KCND3: variants seen among roughly 807,000 people sequenced by gnomAD.
KCND3 encodes the protein potassium voltage-gated channel subfamily D member 3.
Under a neutral mutation model 51.1 loss-of-function variants are expected in KCND3, and 9 were observed. The observed-to-expected ratio is 0.18, with a 90% CI of 0.11 to 0.31. The LOEUF is 0.31. Ranked by LOEUF, KCND3 falls within the 10% of genes least tolerant of loss-of-function variation. The pLI is 1.00. For synonymous variants in KCND3, 349 were observed against 368.0 expected (o/e 0.95, Z 0.59); for missense variants, 526 against 903.8 (o/e 0.58, Z 5.36).
chr1:111,818,665 G>A (rs986183099), intron 2 of KCND3, among the ~76,000 whole-genome samples: 6 of 152,206 alleles, frequency 3.9e-5, no homozygotes, highest in Admixed American at 6.5e-5. Flanking sequence ...CCCGTCTATT[G>A]TCCCCTGAGT....
intron 2 of KCND3, among the ~76,000 whole-genome samples, chr1:111,848,011 A>T (rs369787471): frequency 9.3e-4 from 142 of 152,324 alleles, no homozygotes; most frequent in Non-Finnish European, 1.8e-3. Context: ...CAGTCAAGGC[A>T]GGGCTAAGCA....
chr1:111,813,887 T>C (rs1665968403), intron 2 of KCND3, among the ~76,000 whole-genome samples: 1 of 152,166 alleles, frequency 6.6e-6, no homozygotes, highest in Admixed American at 6.5e-5. Context: ...TAGTATTCAA[T>C]GAGCTCCTAT....
chr1:111,968,441 T>C (rs1251357797), intron 2 of KCND3, among the ~76,000 whole-genome samples: 1 of 152,140 alleles, frequency 6.6e-6, no homozygotes. Flanking sequence ...TGAAAAAGAA[T>C]GAGGCCAACA....
At chr1:111,910,739 A>G (rs1321236635) in intron 2 of KCND3, 2 of 152,226 alleles carry the variant, frequency 1.3e-5, no homozygotes, top group African/African-American at 4.8e-5. Context: ...AGATTGGACC[A>G]GGACAGCTTC....
intron 2 of KCND3, among the ~76,000 whole-genome samples, chr1:111,787,540 G>A (rs1356123210): frequency 6.6e-6 from 1 of 152,290 alleles, no homozygotes; most frequent in East Asian, 1.9e-4. Context: ...CCTTGAAGTA[G>A]CAGGAAGGAG....
At chr1:111,776,424 A>G (rs1377060748) in intron 7 of KCND3, 146 bp from the exon 8 acceptor site, 1 of 800,528 alleles carries the variant, frequency 1.2e-6, no homozygotes, top group Non-Finnish European at 2.1e-6. Flanking sequence ...ACTTGTAATT[A>G]TCCATTCTAA....
chr1:111,808,446 C>T (rs931516650), intron 2 of KCND3, among the ~76,000 whole-genome samples: 1 of 152,206 alleles, frequency 6.6e-6, no homozygotes, highest in African/African-American at 2.4e-5. Context: ...ACTCATTCCT[C>T]CTCTGTGCCA....
chr1:111,975,249 G>A (rs1388996147), intron 2 of KCND3, among the ~76,000 whole-genome samples: 1 of 152,198 alleles, frequency 6.6e-6, no homozygotes, highest in Non-Finnish European at 1.5e-5. Flanking sequence ...AGGTGCTCTG[G>A]CTGGTTTGTT....
intron 2 of KCND3, among the ~76,000 whole-genome samples, chr1:111,874,269 C>T (rs147202511): frequency 6.6e-6 from 1 of 152,246 alleles, no homozygotes; most frequent in Non-Finnish European, 1.5e-5. Flanking sequence ...ACTGCTCCCC[C>T]TCTTGCATGG....
chr1:111,847,298 C>T (rs1375653767), intron 2 of KCND3, among the ~76,000 whole-genome samples: 1 of 152,030 alleles, frequency 6.6e-6, no homozygotes, highest in Non-Finnish European at 1.5e-5. Flanking sequence ...AATTAGGTTA[C>T]AAAAGTATAT....
intron 2 of KCND3, among the ~76,000 whole-genome samples, chr1:111,942,233 G>A (rs1672557850): frequency 6.6e-6 from 1 of 152,202 alleles, no homozygotes; most frequent in Non-Finnish European, 1.5e-5. Flanking sequence ...TACTTATGGA[G>A]TATCTGCAAT....
intron 2 of KCND3, among the ~76,000 whole-genome samples, chr1:111,790,794 G>A (rs999474839): frequency 6.6e-6 from 1 of 152,160 alleles, no homozygotes; most frequent in Non-Finnish European, 1.5e-5. Flanking sequence ...AGATGTCCCC[G>A]TTTTGGACAA....
At chr1:111,892,946 C>T (rs1162336772) in intron 2 of KCND3, among the ~76,000 whole-genome samples, 1 of 152,202 alleles carries the variant, frequency 6.6e-6, no homozygotes, top group Non-Finnish European at 1.5e-5. Context: ...AGAAGACTTC[C>T]TGGAGAAGGT....
intron 2 of KCND3, among the ~76,000 whole-genome samples, chr1:111,847,454 TA>T (rs1667605924): frequency 6.6e-6 from 1 of 152,180 alleles, no homozygotes; most frequent in Non-Finnish European, 1.5e-5. Flanking sequence ...ATTTCCATGT[TA>T]TTTTCTGGAA....
intron 2 of KCND3, among the ~76,000 whole-genome samples, chr1:111,816,646 C>G (rs1003485378): frequency 1.3e-5 from 2 of 152,204 alleles, no homozygotes; most frequent in Non-Finnish European, 2.9e-5. Flanking sequence ...ATGTAATGTT[C>G]TCCACAATTC....
intron 2 of KCND3, among the ~76,000 whole-genome samples, chr1:111,799,983 C>T (rs1001273235): frequency 2.0e-5 from 3 of 151,944 alleles, no homozygotes; most frequent in African/African-American, 7.3e-5. Flanking sequence ...TCTGCCCGGC[C>T]GCCCCTACTG....
In KCND3 at chr1:111,982,606, G is replaced by C. The variant is rs1200353100; in HGVS notation, c.121C>G (p.Leu41Val). 1 of 1,613,904 alleles carries C rather than the reference G, an allele frequency of 6.2e-7. No individual in the cohort carries two copies. Among genetic ancestry groups the C allele is most frequent in the Non-Finnish European group, 8.5e-7 (1 of 1,179,862 alleles). The change falls in exon 2 of 8, where the codon CTG becomes GTG. Residue 41 changes from leucine to valine, a missense_variant. Physicochemically the swap from Leu to Val is conservative, Grantham distance 32. Transcript: ENST00000302127. The surrounding 1 kb of genome is among the most constrained non-coding windows in gnomAD (Gnocchi z 8.5). ...PADKNKRQDELIVLNVSGRRF... is the reference protein window; with the variant it reads ...PADKNKRQDEVIVLNVSGRRF... ...CGCCCACTCACGTTGAGGACAATCA[G>C]CTCATCCTGCCGCTTGTTCTTGTCG...
Position 111,775,818 on chromosome 1 carries a change from G to GCCCCCCC in KCND3, c.*258_*259insGGGGGGG. On this transcript the variant is annotated 3_prime_UTR_variant, in exon 8 of 8. Coordinates refer to ENST00000302127, the MANE Select transcript of KCND3 (RefSeq NM_001378969.1). ...AGCCTATATCCCCCGGCCTATCCCC[G>GCCCCCCC]ACCCCCCCACCCTCCCTCCCTTCCT... 6.0e-5 allele frequency: 6 copies of GCCCCCCC among 99,728 alleles called. No homozygotes were observed. The highest frequency in any genetic ancestry group is 1.2e-4 in the South Asian group (1 of 8,076). The allele number at this position is 99,728 out of a possible 1,614,324, so 6.2% of individuals were successfully genotyped here. A position where few individuals can be genotyped will look rare whatever the true frequency, so the allele number is the denominator to read the frequency against.
chr1:111,940,216 A>ATTTTTTTT, intron 2 of KCND3, among the ~76,000 whole-genome samples: 1 of 150,058 alleles, frequency 6.7e-6, no homozygotes. Flanking sequence ...GCTGTGCGGA[A>ATTTTTTTT]GCTCTTTAGT....
Sources: allele counts gnomAD v4.1 joint callset (sites outside exome capture counted in the v4.1 genomes callset), GRCh38; gene constraint gnomAD v4.1.1; non-coding constraint Gnocchi (gnomAD v3.1); transcripts MANE v1.5; gene names NCBI Gene and HGNC (gene_info 2026-07-23, HGNC 2026-07-21).